The following KIF17 variants were observed in gnomAD, a reference collection of about 807,000 sequenced individuals.
The protein encoded by KIF17 is kinesin family member 17.
In KIF17, 80 loss-of-function variants were observed where a neutral mutation model predicts 96.8. That is an observed-to-expected ratio of 0.83 (90% CI 0.69 to 1.00). The LOEUF (loss-of-function observed/expected upper bound fraction) is 1.00, where lower values mean the gene tolerates loss of function less well. Ranked by LOEUF, KIF17 falls within the 50% of genes least tolerant of loss-of-function variation. KIF17 has a pLI of 0.00. For missense variants in KIF17, 1,280 were observed against 1,372.9 expected (o/e 0.93, Z 1.07); for synonymous variants, 567 against 587.5 (o/e 0.97, Z 0.51).
At chr1:20,715,377 G>T in intron 2 of KIF17, 116 bp downstream of exon 2, 1 of 1,357,834 alleles carries the variant, frequency 7.4e-7, no homozygotes, top group African/African-American at 1.4e-5. Context: ...CTTCTCTGCT[G>T]ATCTGCACGG....
At chr1:20,678,172 A>T (rs2053770599) in intron 11 of KIF17, among the ~76,000 whole-genome samples, 1 of 152,218 alleles carries the variant, frequency 6.6e-6, no homozygotes, top group Non-Finnish European at 1.5e-5. Context: ...CAAAAGGAAA[A>T]TCAGAACCAA....
chr1:20,704,882 G>T lies in KIF17; in HGVS notation c.688C>A (p.His230Asn). 6.2e-7 allele frequency: 1 copy of T among 1,600,810 alleles called. No individual in the cohort carries two copies. Among genetic ancestry groups the T allele is most frequent in the South Asian group, 1.1e-5 (1 of 91,084 alleles). ...MSAVDERGKDHLRAGKLNLVD... is the reference protein window; with the variant it reads ...MSAVDERGKDNLRAGKLNLVD... Reference sequence around the variant, plus strand: ...AGGTTCAGCTTGCCCGCCCGGAGGTGGTCCTTGCCCCGCTCATCTGCACAC... The same window carrying T: ...AGGTTCAGCTTGCCCGCCCGGAGGTTGTCCTTGCCCCGCTCATCTGCACAC... The change falls in exon 5 of 15, where the codon CAC becomes AAC. Residue 230 changes from histidine (H) to asparagine (N), a missense_variant. Physicochemically the swap from His to Asn is moderately conservative, Grantham distance 68. Coordinates refer to ENST00000400463, the MANE Select transcript of KIF17 (RefSeq NM_001122819.3). The surrounding 1 kb of genome is among the most constrained non-coding windows in gnomAD (Gnocchi z 6.8).
chr1:20,683,407 C>T (rs1192885899), intron 10 of KIF17, among the ~76,000 whole-genome samples: 3 of 152,178 alleles, frequency 2.0e-5, no homozygotes, highest in African/African-American at 7.2e-5. Flanking sequence ...GTAATCCCAG[C>T]ACTTTGGGAG....
chr1:20,717,272 G>A, intron 1 of KIF17: 1 of 599,792 alleles, frequency 1.7e-6, no homozygotes, highest in Non-Finnish European at 2.9e-6. Context: ...GAGACGCTGG[G>A]GATAGTGCAG....
rs1293535419 is a variant in KIF17, at chr1:20,715,528, G to T, written c.343C>A (p.Pro115Thr). 6.2e-7 allele frequency: 1 copy of T among 1,613,606 alleles called. No individual in the cohort carries two copies. Among genetic ancestry groups the T allele is most frequent in the Non-Finnish European group, 8.5e-7 (1 of 1,180,036 alleles). ...PDPPSQRGII[P>T]RAFEHVFESV... ...TCGAACACGTGCTCGAAGGCCCTGG[G>T]GATGATGCCTCTCTGGGAGGGCGGA... is the stretch of plus-strand genomic sequence containing the variant. The change falls in exon 2 of 15, where the codon CCC becomes ACC. Residue 115 changes from proline (P) to threonine (T), a missense_variant. Physicochemically the swap from Pro to Thr is conservative, Grantham distance 38. Transcript: ENST00000400463.
chr1:20,717,832 G>GACC lies in KIF17; in HGVS notation c.-127_-126insGGT. ...GGCGGGGCCTTGAGGCAGGGGCGGG[G>GACC]CCGCGGCGGGGGGCGGGGACCCCTC... On this transcript the variant is annotated 5_prime_UTR_variant, in exon 1 of 15. Transcript: ENST00000400463. The GACC allele has an allele frequency of 1.0e-6, 1 of 955,092 alleles. No individual in the cohort carries two copies. The allele number at this position is 955,092 out of a possible 1,614,324, so 59.2% of individuals were successfully genotyped here.
At chr1:20,689,456 G>T (rs1172666871) in intron 7 of KIF17, among the ~76,000 whole-genome samples, 1 of 152,148 alleles carries the variant, frequency 6.6e-6, no homozygotes, top group Non-Finnish European at 1.5e-5. Context: ...TTCGAGACCA[G>T]CCTGGCCAAC....
intron 3 of KIF17, among the ~76,000 whole-genome samples, chr1:20,712,608 A>ATATATAATATAGATATTATC (rs1557606347): frequency 4.8e-5 from 1 of 20,798 alleles, no homozygotes; most frequent in African/African-American, 1.2e-4. Context: ...ATATATCTAT[A>ATATATAATATAGATATTATC]TATATATAAT....
intron 8 of KIF17, 92 bp from the exon 9 acceptor site, chr1:20,686,218 C>T (rs1254792754): frequency 9.6e-7 from 1 of 1,045,110 alleles, no homozygotes. Flanking sequence ...TTCAACTCCC[C>T]AAGGCCTCCC....
At chr1:20,717,189 C>T (rs2054592619) in intron 1 of KIF17, among the ~76,000 whole-genome samples, 1 of 152,134 alleles carries the variant, frequency 6.6e-6, no homozygotes, top group Non-Finnish European at 1.5e-5. Context: ...ATTAGACGGG[C>T]GTGGTGGCAG....
intron 13 of KIF17, among the ~76,000 whole-genome samples, chr1:20,669,573 TA>T (rs1436009328): frequency 1.5e-4 from 18 of 118,408 alleles, no homozygotes; most frequent in African/African-American, 4.6e-4. Context: ...ATAAATAAAA[TA>T]AAATAAAATA....
chr1:20,670,857 A>AG lies in KIF17; in HGVS notation c.2723-370dup, dbSNP rs139013845. Among the ~76,000 whole-genome samples the AG allele has an allele frequency of 2.2e-4, 33 of 152,274 alleles. 2 individuals carry two copies. The East Asian group carries it at 6.4e-3, about 29-fold the overall frequency. ...GACCTGGATGAACACGCTGAGCAAG[A>AG]GGGAGGACTCCTGGGGGGCACTGCG... On this transcript the variant is annotated intron_variant, in intron 12 of 14. Transcript: ENST00000400463.
At chr1:20,712,091 G>A (rs889097452) in intron 3 of KIF17, among the ~76,000 whole-genome samples, 7 of 152,198 alleles carry the variant, frequency 4.6e-5, no homozygotes, top group Admixed American at 2.0e-4. Flanking sequence ...CTCAGCTGCA[G>A]CAAGTGTGAG....
Position 20,717,541 on chromosome 1 carries a change from C to G in KIF17, c.166G>C (p.Gly56Arg). 1 of 1,611,576 alleles carries G rather than the reference C, an allele frequency of 6.2e-7. No individual in the cohort carries two copies. The highest frequency in any genetic ancestry group is 8.5e-7 in the Non-Finnish European group (1 of 1,179,486). ...GTGACGTGGTCCACGTGGTAGGCGC[C>G]GTCGAAGGTGAACTGCTTGGGCGGC... ...DEPPKQFTFD[G>R]AYHVDHVTEQ... Residue 56 changes from glycine (G) to arginine (R), a missense_variant, in exon 1 of 15, where the codon GGC (glycine) becomes CGC (arginine). Transcript: ENST00000400463.
At position 20,700,506 on chromosome 1, in the gene KIF17, G is replaced by A. The variant is rs555012368; in HGVS notation, c.1124-2018C>T. 6.6e-6 allele frequency among the ~76,000 whole-genome samples: 1 copy of A among 152,210 alleles called. No homozygotes were observed. Among genetic ancestry groups the A allele is most frequent in the African/African-American group, 2.4e-5 (1 of 41,452 alleles). On this transcript the variant is annotated intron_variant, in intron 5 of 14. Coordinates refer to ENST00000400463, the MANE Select transcript of KIF17 (RefSeq NM_001122819.3). This position sits in a 1 kb window ranked among gnomAD's most constrained non-coding sequence, Gnocchi z 4.6. ...CCTGAGTTGCCTCTGTCAGCTGTTG[G>A]GGGGAGCTGCAGCCTAGCAGATTTG... is the stretch of plus-strand genomic sequence containing the variant.
At chr1:20,707,781 A>ATGTGTGTGTGTGTGTGTGTGTGTG (rs1436276510) in intron 4 of KIF17, among the ~76,000 whole-genome samples, 9 of 90,900 alleles carry the variant, frequency 9.9e-5, no homozygotes, top group African/African-American at 4.0e-4. Flanking sequence ...AAACAAACCA[A>ATGTGTGTGTGTGTGTGTGTGTGTG]TGTGTATGTG....
At chr1:20,669,313 A>G (rs2053593954) in intron 13 of KIF17, among the ~76,000 whole-genome samples, 1 of 151,916 alleles carries the variant, frequency 6.6e-6, no homozygotes, top group African/African-American at 2.4e-5. Context: ...TGAAGCGGGC[A>G]GATCACGAGG....
intron 11 of KIF17, among the ~76,000 whole-genome samples, chr1:20,673,987 G>T (rs183230174): frequency 6.6e-6 from 1 of 151,790 alleles, no homozygotes; most frequent in Non-Finnish European, 1.5e-5. Context: ...GGAGTGCAGC[G>T]GCACCTTCTC....
chr1:20,699,944 TC>T lies in KIF17; in HGVS notation c.1124-1457del, dbSNP rs1476852041. 6.6e-6 allele frequency among the ~76,000 whole-genome samples: 1 copy of T among 152,176 alleles called. No homozygotes were observed. The highest frequency in any genetic ancestry group is 6.5e-5 in the Admixed American group (1 of 15,278). Reference sequence around the variant, plus strand: ...ACAGGCCTTGCATTTGAACAGGCTCTCCCTGGCTGCTGCGTGGAGAGTGCAC... The same window carrying T: ...ACAGGCCTTGCATTTGAACAGGCTCTCCTGGCTGCTGCGTGGAGAGTGCAC... On this transcript the variant is annotated intron_variant, in intron 5 of 14. Transcript: ENST00000400463. The surrounding 1 kb of genome is among the most constrained non-coding windows in gnomAD (Gnocchi z 4.3).
Sources: allele counts gnomAD v4.1 joint callset (sites outside exome capture counted in the v4.1 genomes callset), GRCh38; gene constraint gnomAD v4.1.1; non-coding constraint Gnocchi (gnomAD v3.1); transcripts MANE v1.5; gene names NCBI Gene and HGNC (gene_info 2026-07-23, HGNC 2026-07-21).